The following HS3ST5 variants were observed in gnomAD, a reference collection of about 807,000 sequenced individuals.
HS3ST5 encodes heparan sulfate glucosamine 3-O-sulfotransferase 5.
A neutral mutation model predicts 25.4 loss-of-function variants in HS3ST5; 10 were observed. The ratio of observed to expected loss-of-function variants is 0.39; its 90% CI spans 0.24 to 0.67. HS3ST5 has a LOEUF of 0.67. Among genes scored for constraint, HS3ST5 ranks in the 30% least tolerant of loss-of-function variants. HS3ST5 has a pLI of 0.44. For missense variants in HS3ST5, 324 were observed against 420.7 expected (o/e 0.77, Z 2.01); for synonymous variants, 170 against 162.4 (o/e 1.05, Z -0.36).
chr6:114,101,808 A>G (rs1775749340), intron 3 of HS3ST5, among the ~76,000 whole-genome samples: 1 of 152,246 alleles, frequency 6.6e-6, no homozygotes, highest in Admixed American at 6.5e-5. Context: ...CTAAATTCCC[A>G]TCAACGGTAG....
At chr6:114,299,198 A>C (rs1264091853) in intron 1 of HS3ST5, among the ~76,000 whole-genome samples, 3 of 152,202 alleles carry the variant, frequency 2.0e-5, no homozygotes, top group South Asian at 4.1e-4. Flanking sequence ...TCTATGGTTG[A>C]AACTGTAGGG....
intron 3 of HS3ST5, among the ~76,000 whole-genome samples, chr6:114,147,343 G>A (rs566317775): frequency 4.6e-5 from 7 of 152,260 alleles, no homozygotes; most frequent in South Asian, 4.1e-4. Context: ...CTGATAGAAC[G>A]TGAGCTGAAG....
intron 3 of HS3ST5, among the ~76,000 whole-genome samples, chr6:114,109,714 T>G (rs1776172615): frequency 6.6e-6 from 1 of 152,222 alleles, no homozygotes; most frequent in Non-Finnish European, 1.5e-5. Context: ...CCACAGTGTG[T>G]GCTACCTTTG....
At chr6:114,206,732 A>G in intron 2 of HS3ST5, among the ~76,000 whole-genome samples, 1 of 152,234 alleles carries the variant, frequency 6.6e-6, no homozygotes, top group Non-Finnish European at 1.5e-5. Context: ...ATGTTACTAA[A>G]CATACAGTAT....
rs1772878707 is a variant in HS3ST5, at chr6:114,058,097, C to T, written c.201G>A (p.Leu67=). The T allele has an allele frequency of 6.2e-7, 1 of 1,614,046 alleles. No homozygotes were observed. Among genetic ancestry groups the T allele is most frequent in the African/African-American group, 1.3e-5 (1 of 74,910 alleles). The change falls in exon 5 of 5, where the codon CTG becomes CTA. Residue 67 remains leucine, a synonymous_variant. Transcript: ENST00000312719. ...CGTTGCCCTTCCGGAACTCGTGCAGCAGGCCACGCTTAAACTGCAGGGCGC... is the reference window on the plus strand; with the variant it reads ...CGTTGCCCTTCCGGAACTCGTGCAGTAGGCCACGCTTAAACTGCAGGGCGC... ...PLRALQFKRG[L]LHEFRKGNAS...
chr6:114,294,330 G>A (rs906929165), intron 1 of HS3ST5, among the ~76,000 whole-genome samples: 3 of 152,120 alleles, frequency 2.0e-5, no homozygotes, highest in African/African-American at 7.2e-5. Context: ...ACAAATGTCT[G>A]ATGAAGATCT....
chr6:114,155,227 G>A (rs1778645105), intron 3 of HS3ST5, among the ~76,000 whole-genome samples: 1 of 152,104 alleles, frequency 6.6e-6, no homozygotes, highest in African/African-American at 2.4e-5. Flanking sequence ...ATATTATCTT[G>A]TGACTTAATA....
intron 1 of HS3ST5, among the ~76,000 whole-genome samples, chr6:114,292,560 A>G (rs534203550): frequency 7.2e-5 from 11 of 152,344 alleles, no homozygotes; most frequent in Admixed American, 5.9e-4. Context: ...TGGATATTCA[A>G]AAAGTGTTCA....
At chr6:114,213,415 A>T (rs1781607637) in intron 2 of HS3ST5, among the ~76,000 whole-genome samples, 1 of 151,990 alleles carries the variant, frequency 6.6e-6, no homozygotes, top group South Asian at 2.1e-4. Context: ...ACAGGAAGGC[A>T]TGTTCTCACT....
intron 2 of HS3ST5, among the ~76,000 whole-genome samples, chr6:114,185,874 G>A (rs1780195129): frequency 1.3e-5 from 2 of 151,706 alleles, no homozygotes; most frequent in South Asian, 4.2e-4. Flanking sequence ...GAGCAGCTGG[G>A]GCTAAAGGCA....
rs1381530153 is a variant in HS3ST5, at chr6:114,327,156, C to T, written c.-339+15039G>A. Among the ~76,000 whole-genome samples the T allele has an allele frequency of 2.0e-5, 3 of 152,116 alleles. No individual in the cohort carries two copies. In the East Asian group the frequency reaches 5.8e-4, roughly 29 times the overall value. On this transcript the variant is annotated intron_variant, in intron 1 of 4. Coordinates refer to ENST00000312719, the MANE Select transcript of HS3ST5 (RefSeq NM_153612.4). ...GCAAACAATGATGACACATTCTTTA[C>T]CTTAAATACATTTATTTAGTGCCCT...
intron 2 of HS3ST5, among the ~76,000 whole-genome samples, chr6:114,213,100 G>C (rs1781581202): frequency 6.6e-6 from 1 of 152,060 alleles, no homozygotes; most frequent in Non-Finnish European, 1.5e-5. Context: ...GCGGGATGGA[G>C]AGCTAGAAAG....
At chr6:114,061,705 T>C (rs1171736788) in intron 4 of HS3ST5, among the ~76,000 whole-genome samples, 1 of 152,202 alleles carries the variant, frequency 6.6e-6, no homozygotes, top group African/African-American at 2.4e-5. Flanking sequence ...ATCCCAGCAC[T>C]TTGGGAGGCC....
chr6:114,081,970 T>A (rs998370838), intron 3 of HS3ST5, among the ~76,000 whole-genome samples: 4 of 152,162 alleles, frequency 2.6e-5, no homozygotes, highest in African/African-American at 9.7e-5. Flanking sequence ...TACGTTTTCA[T>A]CATCCCCCAA....
chr6:114,256,278 C>A (rs368366601), intron 1 of HS3ST5, among the ~76,000 whole-genome samples: 2 of 151,904 alleles, frequency 1.3e-5, no homozygotes, highest in African/African-American at 2.4e-5. Context: ...GTCCCAGCTA[C>A]CCGGGAGGCT....
At chr6:114,259,350 A>G (rs1173698294) in intron 1 of HS3ST5, among the ~76,000 whole-genome samples, 1 of 152,174 alleles carries the variant, frequency 6.6e-6, no homozygotes, top group Non-Finnish European at 1.5e-5. Flanking sequence ...ATTAAATTAA[A>G]TTCTTTTAAT....
At chr6:114,261,561 G>T (rs146789825) in intron 1 of HS3ST5, among the ~76,000 whole-genome samples, 1 of 152,156 alleles carries the variant, frequency 6.6e-6, no homozygotes, top group Non-Finnish European at 1.5e-5. Flanking sequence ...TTTTCACAGA[G>T]AGAGGAGAAG....
chr6:114,150,253 G>A (rs1219818270), intron 3 of HS3ST5, among the ~76,000 whole-genome samples: 1 of 152,244 alleles, frequency 6.6e-6, no homozygotes, highest in East Asian at 1.9e-4. Flanking sequence ...TGCACACTGT[G>A]GTATTCACAC....
chr6:114,192,930 TAGA>T (rs1407505096), intron 2 of HS3ST5, among the ~76,000 whole-genome samples: 1 of 152,226 alleles, frequency 6.6e-6, no homozygotes, highest in East Asian at 1.9e-4. Context: ...ATGCATTTCA[TAGA>T]AGGTTATTAT....
Sources: gnomAD v4.1 joint callset for allele counts (sites outside exome capture counted in the v4.1 genomes callset) on GRCh38, gnomAD v4.1.1 for gene constraint, MANE v1.5 for transcripts, NCBI Gene and HGNC (gene_info 2026-07-23, HGNC 2026-07-21) for gene names.